The following CNOT1 variants were observed in gnomAD, a reference collection of about 807,000 sequenced individuals.
CNOT1 encodes CCR4-associated factor 1.
A neutral mutation model predicts 273.8 loss-of-function variants in CNOT1; 15 were observed. The observed-to-expected ratio is 0.05, with a 90% CI of 0.04 to 0.08. The LOEUF (loss-of-function observed/expected upper bound fraction) is 0.08. Among genes scored for constraint, CNOT1 ranks in the 10% least tolerant of loss-of-function variants. The pLI is 1.00. For synonymous variants in CNOT1, 1,022 were observed against 1,005.5 expected (o/e 1.02, Z -0.31); for missense variants, 1,644 against 2,912.2 (o/e 0.56, Z 10.02).
intron 34 of CNOT1, 34 bp downstream of exon 34, chr16:58,541,467 G>A: frequency 6.3e-7 from 1 of 1,593,484 alleles, no homozygotes; most frequent in South Asian, 1.1e-5. Flanking sequence ...AAATTAATTG[G>A]CAAAACACTC....
chr16:58,551,003 T>C (rs2040432604), intron 24 of CNOT1, 129 bp downstream of exon 24: 1 of 1,478,042 alleles, frequency 6.8e-7, no homozygotes, highest in Non-Finnish European at 8.9e-7. Flanking sequence ...ACCCACTAGT[T>C]AAATATACAT....
At chr16:58,540,526 C>CTG (rs1555495105) in intron 34 of CNOT1, among the ~76,000 whole-genome samples, 1 of 152,134 alleles carries the variant, frequency 6.6e-6, no homozygotes, top group Non-Finnish European at 1.5e-5. Flanking sequence ...TGAGGAAAAA[C>CTG]TGAGTTACCT....
At chr16:58,561,891 C>T (rs1176081188) in intron 16 of CNOT1, among the ~76,000 whole-genome samples, 2 of 152,250 alleles carry the variant, frequency 1.3e-5, no homozygotes, top group South Asian at 2.1e-4. Flanking sequence ...AAGCTCTACT[C>T]GGGCCGGGTG....
intron 1 of CNOT1, 95 bp downstream of exon 1, chr16:58,629,632 GC>G: frequency 6.5e-6 from 1 of 152,764 alleles, no homozygotes. Flanking sequence ...GCTTCCAGTG[GC>G]CCCAGGTCCA....
At chr16:58,578,601 AG>A in intron 13 of CNOT1, 97 bp downstream of exon 13, 1 of 1,488,504 alleles carries the variant, frequency 6.7e-7, no homozygotes, top group Non-Finnish European at 8.8e-7. Context: ...AATAATTCAG[AG>A]ATGTAAAAAA....
chr16:58,592,941 A>C (rs2042113564), intron 2 of CNOT1, among the ~76,000 whole-genome samples: 1 of 152,162 alleles, frequency 6.6e-6, no homozygotes, highest in African/African-American at 2.4e-5. Flanking sequence ...AGGAGGCGGC[A>C]ACCATTACCA....
intron 13 of CNOT1, among the ~76,000 whole-genome samples, chr16:58,577,405 G>C: frequency 6.6e-6 from 1 of 152,138 alleles, no homozygotes; most frequent in Non-Finnish European, 1.5e-5. Flanking sequence ...AACTGTTAAA[G>C]TCTACAATGT....
At chr16:58,616,560 T>C (rs1202894476) in intron 1 of CNOT1, among the ~76,000 whole-genome samples, 1 of 152,192 alleles carries the variant, frequency 6.6e-6, no homozygotes, top group Non-Finnish European at 1.5e-5. Flanking sequence ...TCCAGCTGGT[T>C]TTTTCGTTTT....
chr16:58,587,510 G>A (rs1322836773), intron 4 of CNOT1, 97 bp from the exon 5 acceptor site: 2 of 1,520,608 alleles, frequency 1.3e-6, no homozygotes, highest in Non-Finnish European at 1.8e-6. Context: ...CTACATAGGA[G>A]TTGCTTAATT....
intron 16 of CNOT1, among the ~76,000 whole-genome samples, chr16:58,567,978 T>C (rs1467536893): frequency 1.3e-5 from 2 of 152,230 alleles, no homozygotes; most frequent in South Asian, 2.1e-4. Context: ...CTGCATGAGG[T>C]GTTTACAAAA....
chr16:58,606,036 T>G (rs2042665423), intron 1 of CNOT1, among the ~76,000 whole-genome samples: 2 of 152,232 alleles, frequency 1.3e-5, no homozygotes, highest in Non-Finnish European at 2.9e-5. Context: ...CACTGACATT[T>G]GACAATAATA....
At chr16:58,521,932 CAG>C (rs1196999764) in intron 47 of CNOT1, among the ~76,000 whole-genome samples, 2 of 152,092 alleles carry the variant, frequency 1.3e-5, no homozygotes, top group African/African-American at 4.8e-5. Context: ...GCCTGGGAGA[CAG>C]AGTGAGACCC....
chr16:58,532,978 T>C (rs1180429053), intron 40 of CNOT1: 1 of 153,406 alleles, frequency 6.5e-6, no homozygotes, highest in African/African-American at 2.4e-5. Context: ...CAATGACTAA[T>C]ATCACTCATG....
At chr16:58,559,840 G>T in intron 17 of CNOT1, 1 of 531,812 alleles carries the variant, frequency 1.9e-6, no homozygotes, top group Non-Finnish European at 3.7e-6. Context: ...GAGAGCTGAA[G>T]AGCCCCAGTT....
chr16:58,597,133 G>T (rs557665973), intron 2 of CNOT1, among the ~76,000 whole-genome samples: 8 of 149,736 alleles, frequency 5.3e-5, no homozygotes, highest in African/African-American at 2.0e-4. Flanking sequence ...AGCTTAAATA[G>T]CTTTGAAGGA....
rs771154365 is a variant in CNOT1, at chr16:58,528,324, T to C, written c.6453+151A>G. ...AATAGCAACAATATCATACCTTCTA[T>C]CAGGCTTAATAACATTATTTCCTTT... On this transcript the variant is annotated intron_variant, in intron 44 of 48. Coordinates refer to ENST00000317147, the MANE Select transcript of CNOT1 (RefSeq NM_016284.5). 5 of 667,852 alleles carry C rather than the reference T, an allele frequency of 7.5e-6. No homozygotes were observed. The East Asian group carries it at 1.3e-4, about 18-fold the overall frequency. The allele number at this position is 667,852 out of a possible 1,614,324, so 41.4% of individuals were successfully genotyped here.
rs758159707 is a variant in CNOT1 at position 58,530,234 on chromosome 16, CA to C, written c.6279+11del. The C allele has an allele frequency of 4.6e-5, 71 of 1,559,924 alleles. No individual in the cohort carries two copies. The highest frequency in any genetic ancestry group is 1.7e-4 in the Middle Eastern group (1 of 5,894). On this transcript the variant is annotated intron_variant, in intron 43 of 48. Transcript: ENST00000317147. ...CAGTTATTTTAATTTATAATAAATC[CA>C]AGTTAATTACCTTGTAGAGGATTTG...
chr16:58,570,453 C>CAT (rs1430546910), intron 16 of CNOT1, among the ~76,000 whole-genome samples: 1 of 152,134 alleles, frequency 6.6e-6, no homozygotes, highest in Admixed American at 6.6e-5. Context: ...GACTGGGCAA[C>CAT]ATACTGAGAA....
intron 25 of CNOT1, among the ~76,000 whole-genome samples, chr16:58,549,010 C>T (rs1432040927): frequency 1.3e-5 from 2 of 152,098 alleles, no homozygotes; most frequent in African/African-American, 4.8e-5. Context: ...GAGGACTGGC[C>T]GGGCACAGTG....
Sources: allele counts gnomAD v4.1 joint callset (sites outside exome capture counted in the v4.1 genomes callset), GRCh38; gene constraint gnomAD v4.1.1; transcripts MANE v1.5; gene names NCBI Gene and HGNC (gene_info 2026-07-23, HGNC 2026-07-21).